The following AHCYL2 variants were observed in gnomAD, a reference collection of about 807,000 sequenced individuals.
The protein encoded by AHCYL2 is adenosylhomocysteinase like 2.
Under a neutral mutation model 81.4 loss-of-function variants are expected in AHCYL2, and 28 were observed. The ratio of observed to expected loss-of-function variants is 0.34; its 90% confidence interval spans 0.25 to 0.47. The LOEUF is 0.47. Among genes scored for constraint, AHCYL2 ranks in the 20% least tolerant of loss-of-function variants. The pLI is 1.00. For synonymous variants in AHCYL2, 272 were observed against 290.2 expected (o/e 0.94, Z 0.64); for missense variants, 551 against 785.1 (o/e 0.70, Z 3.56).
At chr7:129,399,307 C>T (rs1178618028) in intron 5 of AHCYL2, among the ~76,000 whole-genome samples, 7 of 145,716 alleles carry the variant, frequency 4.8e-5, no homozygotes, top group African/African-American at 1.5e-4. Context: ...ATTAGCTGGG[C>T]GTGGTGCCAC....
At chr7:129,383,161 T>A (rs1442997282) in intron 2 of AHCYL2, among the ~76,000 whole-genome samples, 1 of 152,034 alleles carries the variant, frequency 6.6e-6, no homozygotes, top group African/African-American at 2.4e-5. Flanking sequence ...TATCTCTTTT[T>A]ATTTTATTCT....
In AHCYL2 at chr7:129,368,537, A is replaced by T; in HGVS notation, c.364-11101A>T. 1 of 1,614,000 alleles carries T rather than the reference A, an allele frequency of 6.2e-7. No homozygotes were observed. Among genetic ancestry groups the T allele is most frequent in the Non-Finnish European group, 8.5e-7 (1 of 1,179,886 alleles). Reference sequence around the variant, plus strand: ...TAATGAGGGCACCTCAGCTTTTCACATGCCTGAGTGGATGGTGAGTTCACT... The same window carrying T: ...TAATGAGGGCACCTCAGCTTTTCACTTGCCTGAGTGGATGGTGAGTTCACT... On this transcript the variant is annotated intron_variant, in intron 1 of 16. Transcript: ENST00000325006. This position sits in a 1 kb window ranked among gnomAD's most constrained non-coding sequence, Gnocchi z 4.4.
chr7:129,225,081 C>T lies in AHCYL2; in HGVS notation c.5C>T (p.Ser2Leu), dbSNP rs1041078777. The T allele has an allele frequency of 1.9e-6, 3 of 1,592,030 alleles. No individual in the cohort carries two copies. The highest frequency in any genetic ancestry group is 1.3e-5 in the African/African-American group (1 of 74,416). Reference protein sequence around the residue: MSVQVVSAAAAA... With the variant: MLVQVVSAAAAA... ...GTGGTTGCAGCGGAGGCGGTGATGTCGGTGCAGGTTGTGTCAGCCGCGGCT... is the reference window on the plus strand; with the variant it reads ...GTGGTTGCAGCGGAGGCGGTGATGTTGGTGCAGGTTGTGTCAGCCGCGGCT... Residue 2 changes from serine (S) to leucine (L), a missense_variant, in exon 1 of 17, where the codon TCG (serine) becomes TTG (leucine). By Grantham distance (145) the Ser-to-Leu change is moderately radical. This residue lies in a region of AHCYL2 where 235 missense variants were observed against 242.1 expected (regional missense o/e 0.97). Transcript: ENST00000325006.
In AHCYL2 at chr7:129,424,861, C is replaced by G. The variant is rs767081133; in HGVS notation, c.1561-13C>G. 8 of 1,612,394 alleles carry G rather than the reference C, an allele frequency of 5.0e-6. No homozygotes were observed. Among genetic ancestry groups the G allele is most frequent in the Admixed American group, 3.3e-5 (2 of 60,018 alleles). ...TGTCCTAATCCATTTGTGTCTTCAC[C>G]TTTGATCACTAGGGCCGCCTGCTGA... is the stretch of plus-strand genomic sequence containing the variant. On this transcript the variant is annotated splice_polypyrimidine_tract_variant and intron_variant, in intron 13 of 16. Coordinates refer to ENST00000325006, the MANE Select transcript of AHCYL2 (RefSeq NM_015328.4).
intron 1 of AHCYL2, among the ~76,000 whole-genome samples, chr7:129,254,194 T>C (rs1431464216): frequency 1.3e-5 from 2 of 152,140 alleles, no homozygotes; most frequent in Non-Finnish European, 2.9e-5. Context: ...TTGGAAGGTA[T>C]CAGAAAGGTC....
chr7:129,307,507 TC>T (rs1435798395), intron 1 of AHCYL2, among the ~76,000 whole-genome samples: 1 of 151,908 alleles, frequency 6.6e-6, no homozygotes, highest in African/African-American at 2.4e-5. Context: ...GGCAGTGGGC[TC>T]CCCTCTGGCT....
chr7:129,396,094 G>A (rs1795724009), intron 4 of AHCYL2, among the ~76,000 whole-genome samples: 1 of 152,024 alleles, frequency 6.6e-6, no homozygotes, highest in Non-Finnish European at 1.5e-5. Flanking sequence ...GTGTGTGTTT[G>A]TGTGTTTATT....
At chr7:129,357,293 C>T (rs749670105) in intron 1 of AHCYL2, among the ~76,000 whole-genome samples, 3 of 152,122 alleles carry the variant, frequency 2.0e-5, no homozygotes, top group Non-Finnish European at 4.4e-5. Flanking sequence ...AATAGTATTG[C>T]ACCAATGTGA....
At chr7:129,304,043 G>A (rs1363856154) in intron 1 of AHCYL2, among the ~76,000 whole-genome samples, 3 of 151,932 alleles carry the variant, frequency 2.0e-5, no homozygotes, top group Admixed American at 6.6e-5. Flanking sequence ...GCTGACACAA[G>A]ACTGTCTCAA....
chr7:129,253,410 A>C (rs533961594), intron 1 of AHCYL2, among the ~76,000 whole-genome samples: 1 of 152,304 alleles, frequency 6.6e-6, no homozygotes, highest in East Asian at 1.9e-4. Flanking sequence ...CACTGTGATA[A>C]GCAATTGTAG....
At chr7:129,374,197 G>C (rs954399685) in intron 1 of AHCYL2, among the ~76,000 whole-genome samples, 1 of 152,176 alleles carries the variant, frequency 6.6e-6, no homozygotes, top group Non-Finnish European at 1.5e-5. Flanking sequence ...TTGGTCTTCT[G>C]ATTAATATTA....
chr7:129,378,776 C>T (rs1049100888), intron 1 of AHCYL2, among the ~76,000 whole-genome samples: 5 of 152,074 alleles, frequency 3.3e-5, no homozygotes, highest in Non-Finnish European at 7.4e-5. Context: ...ATGATAATCT[C>T]AAATATTCTT....
Position 129,272,075 on chromosome 7 carries a change from A to G in AHCYL2, c.363+46636A>G, listed in dbSNP as rs114540986. 1.1e-3 allele frequency among the ~76,000 whole-genome samples: 163 copies of G among 152,300 alleles called. 1 individual carries two copies. Among genetic ancestry groups the G allele is most frequent in the African/African-American group, 3.8e-3 (157 of 41,572 alleles). On this transcript the variant is annotated intron_variant, in intron 1 of 16. Transcript: ENST00000325006. ...AGTTTTGCAGCTTCCATCTAGGCCT[A>G]TTTGAACATTCTCTTTTGGATTGCT...
chr7:129,262,995 A>G (rs73722906), intron 1 of AHCYL2, among the ~76,000 whole-genome samples: 508 of 152,272 alleles, frequency 3.3e-3, no homozygotes, highest in African/African-American at 0.012. Context: ...AAAGGGCCTT[A>G]TATTCTTTGC....
rs143619206 is a variant in AHCYL2 at position 129,329,929 on chromosome 7, G to C, written c.364-49709G>C. Among the ~76,000 whole-genome samples, 35 of 152,302 alleles carry C rather than the reference G, an allele frequency of 2.3e-4. 1 individual carries two copies. The highest frequency in any genetic ancestry group is 7.9e-4 in the African/African-American group (33 of 41,564). On this transcript the variant is annotated intron_variant, in intron 1 of 16. Transcript: ENST00000325006. Reference sequence around the variant, plus strand: ...GAATAAGTATAAATATAGCATGTAGGATCAACAGAGTATAGGGTTTTTTAC... The same window carrying C: ...GAATAAGTATAAATATAGCATGTAGCATCAACAGAGTATAGGGTTTTTTAC...
At chr7:129,348,080 A>C (rs1254937076) in intron 1 of AHCYL2, among the ~76,000 whole-genome samples, 1 of 152,228 alleles carries the variant, frequency 6.6e-6, no homozygotes, top group East Asian at 1.9e-4. Flanking sequence ...ACACATGTAG[A>C]ATATTCACTA....
chr7:129,267,243 G>GTATA (rs781500210), intron 1 of AHCYL2, among the ~76,000 whole-genome samples: 1 of 149,476 alleles, frequency 6.7e-6, no homozygotes, highest in Non-Finnish European at 1.5e-5. Flanking sequence ...GTGTGTGTGT[G>GTATA]TGTGTGTGTG....
At position 129,419,465 on chromosome 7, in the gene AHCYL2, A is replaced by T. The variant is rs1797010846; in HGVS notation, c.1462-3375A>T. Among the ~76,000 whole-genome samples, 1 of 152,142 alleles carries T rather than the reference A, an allele frequency of 6.6e-6. No individual in the cohort carries two copies. Among genetic ancestry groups the T allele is most frequent in the Non-Finnish European group, 1.5e-5 (1 of 68,016 alleles). On this transcript the variant is annotated intron_variant, in intron 12 of 16. Transcript: ENST00000325006. The surrounding 1 kb of genome is among the most constrained non-coding windows in gnomAD (Gnocchi z 4.7). ...GCTACTCAGGAGGCTGAGGCAGGAG[A>T]ATCGCCTGAACCCGGGAGGCGGAGG...
chr7:129,227,810 C>T (rs1794283330), intron 1 of AHCYL2, among the ~76,000 whole-genome samples: 1 of 152,040 alleles, frequency 6.6e-6, no homozygotes, highest in Non-Finnish European at 1.5e-5. Context: ...CTGAGCTTGC[C>T]TTACAATGTT....
Sources: gnomAD v4.1 joint callset for allele counts (sites outside exome capture counted in the v4.1 genomes callset) on GRCh38, gnomAD v4.1.1 for gene constraint, gnomAD v4.1.1 regional missense constraint, Gnocchi (gnomAD v3.1) non-coding constraint, MANE v1.5 for transcripts, NCBI Gene and HGNC (gene_info 2026-07-23, HGNC 2026-07-21) for gene names.